MYO16: variants seen among roughly 807,000 people sequenced by gnomAD.
MYO16 encodes the protein unconventional myosin-XVI.
In MYO16, 94 loss-of-function variants were observed where a neutral mutation model predicts 205.3. The ratio of observed to expected loss-of-function variants is 0.46; its 90% CI spans 0.39 to 0.54. MYO16 has a LOEUF of 0.54. Ranked by LOEUF, MYO16 falls within the 20% of genes least tolerant of loss-of-function variation. The probability of loss-of-function intolerance (pLI) is 0.00; values close to 1 mark genes in which losing one functional copy is unlikely to be tolerated. For missense variants in MYO16, 2,315 were observed against 2,387.5 expected (o/e 0.97, Z 0.63); for synonymous variants, 988 against 954.0 (o/e 1.04, Z -0.66).
At chr13:109,129,567 A>G (rs369003738) in intron 31 of MYO16, among the ~76,000 whole-genome samples, 1 of 152,140 alleles carries the variant, frequency 6.6e-6, no homozygotes, top group East Asian at 1.9e-4. Flanking sequence ...TCAGGCCTCC[A>G]TGTTAGATTT....
chr13:109,032,859 G>A (rs1886586015), intron 23 of MYO16, among the ~76,000 whole-genome samples: 1 of 152,142 alleles, frequency 6.6e-6, no homozygotes, highest in Non-Finnish European at 1.5e-5. Flanking sequence ...GAAGATATAT[G>A]TGAGATACTG....
intron 4 of MYO16, among the ~76,000 whole-genome samples, chr13:108,753,395 AC>A (rs1566587696): frequency 2.2e-5 from 3 of 135,828 alleles, no homozygotes; most frequent in Admixed American, 7.4e-5. Flanking sequence ...AAAAAAAAAA[AC>A]AATAAAATAT....
chr13:108,786,757 A>T (rs1342459712), intron 5 of MYO16, among the ~76,000 whole-genome samples: 3 of 152,224 alleles, frequency 2.0e-5, no homozygotes, highest in African/African-American at 7.2e-5. Flanking sequence ...TGATGTGAGC[A>T]TTGCCGTGCT....
At chr13:109,063,367 A>G (rs1407247607) in intron 27 of MYO16, among the ~76,000 whole-genome samples, 1 of 152,202 alleles carries the variant, frequency 6.6e-6, no homozygotes, top group Non-Finnish European at 1.5e-5. Flanking sequence ...CAATGGCAAG[A>G]GACTTCACTA....
chr13:108,552,757 G>C, the MYO16 span, among the ~76,000 whole-genome samples: 9 of 152,098 alleles, frequency 5.9e-5, no homozygotes, highest in African/African-American at 2.2e-4. Context: ...GAATACCTGA[G>C]ACTGGGTACT....
chr13:109,191,914 T>C (rs1879933799), intron 34 of MYO16, among the ~76,000 whole-genome samples: 1 of 152,218 alleles, frequency 6.6e-6, no homozygotes, highest in Non-Finnish European at 1.5e-5. Flanking sequence ...GTGGAAAATA[T>C]TAGACATATA....
At chr13:109,037,150 A>G (rs1886744815) in intron 23 of MYO16, among the ~76,000 whole-genome samples, 1 of 152,210 alleles carries the variant, frequency 6.6e-6, no homozygotes, top group Non-Finnish European at 1.5e-5. Context: ...AAATGCTTCC[A>G]TCTCACTAGG....
chr13:108,605,180 C>A (rs2139306324), intron 1 of MYO16, among the ~76,000 whole-genome samples: 1 of 152,244 alleles, frequency 6.6e-6, no homozygotes, highest in South Asian at 2.1e-4. Flanking sequence ...GACTCTTAGA[C>A]ATAATGTGGA....
intron 34 of MYO16, among the ~76,000 whole-genome samples, chr13:109,206,375 TA>T (rs11300440): frequency 0.06 from 9,110 of 152,232 alleles, 760 homozygotes; most frequent in East Asian, 0.28. Context: ...CAGCACACCT[TA>T]ACACTCTACC....
chr13:108,749,059 ATATT>A (rs1186649218), intron 4 of MYO16, among the ~76,000 whole-genome samples: 1 of 152,152 alleles, frequency 6.6e-6, no homozygotes, highest in African/African-American at 2.4e-5. Context: ...AAAATTGTAT[ATATT>A]TATAGTGTAC....
intron 20 of MYO16, among the ~76,000 whole-genome samples, chr13:108,972,082 C>T (rs1884037207): frequency 6.7e-6 from 1 of 148,602 alleles, no homozygotes; most frequent in African/African-American, 2.5e-5. Context: ...ATGGTACATA[C>T]CTGTGGTCCC....
At chr13:108,697,000 G>A (rs1336761580) in intron 2 of MYO16, among the ~76,000 whole-genome samples, 2 of 149,408 alleles carry the variant, frequency 1.3e-5, no homozygotes, top group Non-Finnish European at 3.0e-5. Flanking sequence ...AAAATACCCT[G>A]CCCTTCTACT....
intron 23 of MYO16, among the ~76,000 whole-genome samples, chr13:109,037,214 ACTGTTGTGCAG>A (rs1240861947): frequency 6.6e-6 from 1 of 152,180 alleles, no homozygotes; most frequent in African/African-American, 2.4e-5. Flanking sequence ...CCTTGTCTGC[ACTGTTGTGCAG>A]CTTTTCTTTG....
intron 2 of MYO16, among the ~76,000 whole-genome samples, chr13:108,697,314 C>T (rs2139509970): frequency 6.6e-6 from 1 of 152,280 alleles, no homozygotes; most frequent in East Asian, 1.9e-4. Context: ...CCGGGACCAC[C>T]CACTCCCCTC....
chr13:108,715,099 C>G (rs997076408), intron 3 of MYO16, among the ~76,000 whole-genome samples: 3 of 152,220 alleles, frequency 2.0e-5, no homozygotes, highest in African/African-American at 7.2e-5. Context: ...TGATCTGTCT[C>G]AAGCCCCAGC....
Position 108,629,885 on chromosome 13 carries a change from G to A in MYO16, c.28+13G>A. 6.6e-7 allele frequency: 1 copy of A among 1,521,730 alleles called. No homozygotes were observed. The highest frequency in any genetic ancestry group is 8.8e-7 in the Non-Finnish European group (1 of 1,135,208). The allele number at this position is 1,521,730 out of a possible 1,614,324, so 94.3% of individuals were successfully genotyped here. ...TTTATCAAGTGCTGTAAGTAAGCTT[G>A]ATATCTTGCTCATGTGGTTATTTGT... On this transcript the variant is annotated intron_variant, in intron 1 of 34. Coordinates refer to ENST00000457511, the MANE Select transcript of MYO16 (RefSeq NM_001198950.3).
chr13:108,884,977 C>T (rs1471372903), intron 13 of MYO16, among the ~76,000 whole-genome samples: 2 of 151,088 alleles, frequency 1.3e-5, no homozygotes, highest in African/African-American at 4.9e-5. Flanking sequence ...CAGGGGCTCT[C>T]ATCCATTCTA....
chr13:108,594,130 A>G (rs966030775), upstream of MYO16, among the ~76,000 whole-genome samples: 2 of 152,208 alleles, frequency 1.3e-5, no homozygotes, highest in Non-Finnish European at 2.9e-5. Flanking sequence ...TTCTTGACCA[A>G]TTACAGCCTT....
intron 15 of MYO16, among the ~76,000 whole-genome samples, chr13:108,907,562 AT>A (rs1224786073): frequency 6.6e-6 from 1 of 152,156 alleles, no homozygotes; most frequent in Non-Finnish European, 1.5e-5. Context: ...GCATTTCTCC[AT>A]TTGAAAGAAT....
Sources: allele counts gnomAD v4.1 joint callset (sites outside exome capture counted in the v4.1 genomes callset), GRCh38; gene constraint gnomAD v4.1.1; transcripts MANE v1.5; gene names NCBI Gene and HGNC (gene_info 2026-07-23, HGNC 2026-07-21).